Variants in TATDN3 observed in about 807,000 individuals in gnomAD.
The protein encoded by TATDN3 is deoxyribonuclease TATDN3.
Under a neutral mutation model 40.1 loss-of-function variants are expected in TATDN3, and 29 were observed. The observed-to-expected ratio is 0.72, with a 90% CI of 0.54 to 0.99. TATDN3 has a LOEUF of 0.99. Among genes scored for constraint, TATDN3 ranks in the 50% least tolerant of loss-of-function variants. TATDN3 has a pLI of 0.00. For synonymous variants in TATDN3, 105 were observed against 117.0 expected (o/e 0.90, Z 0.66); for missense variants, 309 against 321.9 (o/e 0.96, Z 0.31).
At chr1:212,799,694 C>T (rs374496508) in intron 4 of TATDN3, among the ~76,000 whole-genome samples, 1 of 152,198 alleles carries the variant, frequency 6.6e-6, no homozygotes, top group East Asian at 1.9e-4. Flanking sequence ...TGCACCACTA[C>T]ACCCGGCTAA....
In TATDN3 at chr1:212,805,535, C is replaced by T. The variant is rs545466217; in HGVS notation, c.487+884C>T. Among the ~76,000 whole-genome samples the T allele has an allele frequency of 3.8e-3, 575 of 152,232 alleles. 5 individuals are homozygous for T. Among genetic ancestry groups the T allele is most frequent in the African/African-American group, 0.013 (558 of 41,532 alleles). ...CCTCCCAAAGTGCTGGGATTACAGG[C>T]GTGAGCGACTGTGCCTGGCCAGCAG... On this transcript the variant is annotated intron_variant, in intron 7 of 9. Transcript: ENST00000366974.
intron 7 of TATDN3, among the ~76,000 whole-genome samples, chr1:212,806,849 T>TATATACATATATATACAC (rs1662553737): frequency 2.1e-5 from 2 of 95,128 alleles, no homozygotes; most frequent in Admixed American, 1.9e-4. Flanking sequence ...TATATACACA[T>TATATACATATATATACAC]ATATACATAT....
chr1:212,799,835 G>A (rs138343629), intron 4 of TATDN3, among the ~76,000 whole-genome samples: 342 of 152,188 alleles, frequency 2.2e-3, no homozygotes, highest in Middle Eastern at 0.017. Flanking sequence ...CACCACACCC[G>A]GCCAATAGGT....
At position 212,796,584 on chromosome 1, in the gene TATDN3, C is replaced by T; in HGVS notation, c.167C>T (p.Ser56Leu). ...GAATTTGAAAAGATTATGCAACTTT[C>T]AGAAAGGTGCTACTTTTAATTAAGA... ...SGEFEKIMQL[S>L]ERYNGFVLPC... The change falls in exon 3 of 10, where the codon TCA (serine) becomes TTA (leucine). Residue 56 changes from serine to leucine, a missense_variant. By Grantham distance (145) the Ser-to-Leu change is moderately radical. Transcript: ENST00000366974. 1 of 1,567,018 alleles carries T rather than the reference C, an allele frequency of 6.4e-7. No individual in the cohort carries two copies. Among genetic ancestry groups the T allele is most frequent in the Non-Finnish European group, 8.6e-7 (1 of 1,159,288 alleles).
At chr1:212,800,619 C>A (rs1454192234) in intron 4 of TATDN3, among the ~76,000 whole-genome samples, 3 of 152,072 alleles carry the variant, frequency 2.0e-5, no homozygotes, top group Admixed American at 6.6e-5. Flanking sequence ...TATTTAAAAT[C>A]ATTCTGAATA....
chr1:212,804,553 T>G (rs1477544898), intron 6 of TATDN3, 43 bp from the exon 7 acceptor site: 3 of 1,598,046 alleles, frequency 1.9e-6, no homozygotes, highest in Admixed American at 1.7e-5. Context: ...AAAACAATAC[T>G]TTCAGAATGG....
rs181194475 is a variant in TATDN3 at position 212,807,377 on chromosome 1, C to T, written c.488-359C>T. Among the ~76,000 whole-genome samples the T allele has an allele frequency of 3.0e-3, 457 of 152,168 alleles. 1 individual carries two copies. Among genetic ancestry groups the T allele is most frequent in the Middle Eastern group, 0.024 (7 of 294 alleles). On this transcript the variant is annotated intron_variant, in intron 7 of 9. Transcript: ENST00000366974. ...AGGTGATCCTCCCACCTTAGCTTCC[C>T]GAGTAGCTGGGACTACAGGCCTGCA...
intron 6 of TATDN3, 71 bp from the exon 7 acceptor site, chr1:212,804,525 A>G (rs41314452): frequency 1.8e-4 from 281 of 1,569,350 alleles, no homozygotes; most frequent in Non-Finnish European, 2.4e-4. Flanking sequence ...TTTTTCTCCA[A>G]ACTACTTTAA....
At chr1:212,808,412 G>A (rs963164987) in intron 8 of TATDN3, among the ~76,000 whole-genome samples, 10 of 151,264 alleles carry the variant, frequency 6.6e-5, no homozygotes, top group East Asian at 3.9e-4. Context: ...CATTAAAATC[G>A]TAAGCAACCA....
intron 1 of TATDN3, 141 bp from the exon 2 acceptor site, chr1:212,794,954 G>A: frequency 1.5e-6 from 1 of 681,390 alleles, no homozygotes; most frequent in Admixed American, 2.3e-5. Flanking sequence ...AAGTGGGTCA[G>A]TGTAGGCTCT....
At chr1:212,792,326 C>G (rs1247173561) in intron 1 of TATDN3, among the ~76,000 whole-genome samples, 1 of 152,118 alleles carries the variant, frequency 6.6e-6, no homozygotes, top group Non-Finnish European at 1.5e-5. Flanking sequence ...GGAAGCGGTC[C>G]TCGAAACGCG....
At chr1:212,792,026 G>A (rs1323315769) in intron 1 of TATDN3, 39 bp downstream of exon 1, 2 of 1,600,558 alleles carry the variant, frequency 1.2e-6, no homozygotes, top group Admixed American at 3.4e-5. Context: ...GAGCAGGGAG[G>A]CCCCCGTCCT....
intron 1 of TATDN3, among the ~76,000 whole-genome samples, chr1:212,792,576 A>G (rs1259558417): frequency 6.8e-6 from 1 of 146,684 alleles, no homozygotes; most frequent in African/African-American, 2.6e-5. Context: ...TGGAGGTTGC[A>G]GTGAGCTGAC....
chr1:212,809,848 A>AC lies in TATDN3; in HGVS notation c.600+2004dup, dbSNP rs539503312. Among the ~76,000 whole-genome samples the AC allele has an allele frequency of 9.9e-5, 15 of 151,878 alleles. No homozygotes were observed. The South Asian group carries it at 2.9e-3, about 29-fold the overall frequency. ...AAACCAGCCTGGCCAACATGGTGAGACCCCTTCTCTACTAAAAATACAAAA... is the reference window on the plus strand; with the variant it reads ...AAACCAGCCTGGCCAACATGGTGAGACCCCCTTCTCTACTAAAAATACAAAA... On this transcript the variant is annotated intron_variant, in intron 8 of 9. Transcript: ENST00000366974.
intron 4 of TATDN3, chr1:212,797,543 A>C (rs1661861879): frequency 1.1e-5 from 2 of 178,940 alleles, no homozygotes; most frequent in Non-Finnish European, 2.3e-5. Context: ...TATGAGTGAC[A>C]TCTACATAAG....
At chr1:212,795,233 A>G in intron 2 of TATDN3, 106 bp downstream of exon 2, 1 of 526,378 alleles carries the variant, frequency 1.9e-6, no homozygotes, top group Non-Finnish European at 3.3e-6. Flanking sequence ...TCAGTAGTTT[A>G]TAGTAAGTAG....
chr1:212,813,493 T>A (rs956326551), intron 9 of TATDN3, among the ~76,000 whole-genome samples: 7 of 152,052 alleles, frequency 4.6e-5, no homozygotes, highest in Non-Finnish European at 8.8e-5. Context: ...GAAACTATGA[T>A]TATATGTGAT....
rs150884292 is a variant in TATDN3, at chr1:212,793,670, A to T, written c.67-1425A>T. On this transcript the variant is annotated intron_variant, in intron 1 of 9. Coordinates refer to ENST00000366974, the MANE Select transcript of TATDN3 (RefSeq NM_001042552.3). Reference sequence around the variant, plus strand: ...AGGTGAGTTTGAGATGAATACATGGATTCAAGATACATTTTAGAGAGAGAA... The same window carrying T: ...AGGTGAGTTTGAGATGAATACATGGTTTCAAGATACATTTTAGAGAGAGAA... Among the ~76,000 whole-genome samples, 28 of 152,324 alleles carry T rather than the reference A, an allele frequency of 1.8e-4. No individual in the cohort carries two copies. The East Asian group carries it at 3.5e-3, about 19-fold the overall frequency.
intron 1 of TATDN3, among the ~76,000 whole-genome samples, chr1:212,793,352 A>G (rs1421998571): frequency 2.6e-5 from 4 of 152,068 alleles, no homozygotes; most frequent in Non-Finnish European, 5.9e-5. Flanking sequence ...AGCTGGGATC[A>G]CAGGTGTGTC....
Sources: allele counts gnomAD v4.1 joint callset (sites outside exome capture counted in the v4.1 genomes callset), GRCh38; gene constraint gnomAD v4.1.1; transcripts MANE v1.5; gene names NCBI Gene and HGNC (gene_info 2026-07-23, HGNC 2026-07-21).